The following ABR variants were observed in gnomAD, a reference collection of about 807,000 sequenced individuals.
ABR encodes active breakpoint cluster region-related protein.
ABR carries 35 observed loss-of-function variants against 107.2 expected under a neutral mutation model. The observed-to-expected ratio is 0.33, with a 90% CI of 0.25 to 0.43. The LOEUF is 0.43. Among genes scored for constraint, ABR ranks in the 20% least tolerant of loss-of-function variants. The pLI, the probability that ABR is intolerant of heterozygous loss-of-function variation, is 1.00. For synonymous variants in ABR, 498 were observed against 462.0 expected (o/e 1.08, Z -1.00); for missense variants, 815 against 1,115.2 (o/e 0.73, Z 3.83).
chr17:1,215,904 G>C (rs1229561000), intron 1 of ABR, among the ~76,000 whole-genome samples: 4 of 82,074 alleles, frequency 4.9e-5, no homozygotes, highest in Non-Finnish European at 7.6e-5. Context: ...TGAAACATGT[G>C]CTGTGTCCAC....
rs776751827 is a variant in ABR, at chr17:1,040,944, C to T, written c.1791+9106G>A. 2.0e-5 allele frequency among the ~76,000 whole-genome samples: 3 copies of T among 152,190 alleles called. No homozygotes were observed. In the East Asian group the frequency reaches 5.8e-4, roughly 29 times the overall value. On this transcript the variant is annotated intron_variant, in intron 16 of 22. Transcript: ENST00000302538. ...TTTTCCTTTTTTTGAGACAGAGTCT[C>T]GCTCTGTAGCCCAGGCTGGAGTGTA... is the stretch of plus-strand genomic sequence containing the variant.
At chr17:1,108,812 A>T in intron 2 of ABR, 1 of 400,636 alleles carries the variant, frequency 2.5e-6, no homozygotes, top group Non-Finnish European at 3.5e-6. Context: ...CGGGGCCGGG[A>T]CCCTCCGCCG....
chr17:1,116,655 T>C (rs2258236), intron 2 of ABR, among the ~76,000 whole-genome samples: 119,189 of 152,058 alleles, frequency 0.78, 46,877 homozygotes, highest in East Asian at 0.88. Context: ...AAGGCACTAG[T>C]CTACCTACTT....
rs1196874976 is a variant in ABR at position 1,037,062 on chromosome 17, TCCATCCACCCACCCAC to T, written c.1791+12972_1791+12987del. Among the ~76,000 whole-genome samples the T allele has an allele frequency of 1.5e-5, 2 of 131,644 alleles. No homozygotes were observed. Among genetic ancestry groups the T allele is most frequent in the African/African-American group, 3.1e-5 (1 of 32,512 alleles). The allele number at this position is 131,644 out of a possible 152,430, so 86.4% of individuals were successfully genotyped here. A position where few individuals can be genotyped will look rare whatever the true frequency, so the allele number is the denominator to read the frequency against. On this transcript the variant is annotated intron_variant, in intron 16 of 22. Coordinates refer to ENST00000302538, the MANE Select transcript of ABR (RefSeq NM_021962.5). The surrounding 1 kb of genome is among the most constrained non-coding windows in gnomAD (Gnocchi z 4.6). Reference sequence around the variant, plus strand: ...ACCCATCCATCCATCCATCCACCCATCCATCCACCCACCCACCCATCCTTCCATCCATCCATCCATC... The same window carrying T: ...ACCCATCCATCCATCCATCCACCCATCCATCCTTCCATCCATCCATCCATC...
upstream of ABR, among the ~76,000 whole-genome samples, chr17:1,190,960 C>G (rs189178225): frequency 6.6e-6 from 1 of 152,346 alleles, no homozygotes; most frequent in East Asian, 1.9e-4. Flanking sequence ...TCCCAAGGGG[C>G]TGGCCTGAGC....
At chr17:1,031,889 T>G in intron 16 of ABR, 1 of 995,588 alleles carries the variant, frequency 1.0e-6, no homozygotes, top group Non-Finnish European at 1.2e-6. Flanking sequence ...CCTCCCTCCC[T>G]CCCTCCGTCC....
At chr17:1,155,269 G>A (rs1403418452) in intron 1 of ABR, among the ~76,000 whole-genome samples, 1 of 152,110 alleles carries the variant, frequency 6.6e-6, no homozygotes, top group African/African-American at 2.4e-5. Context: ...ATCTATGGTC[G>A]ACGGATTGTC....
intron 10 of ABR, among the ~76,000 whole-genome samples, chr17:1,062,069 A>AG (rs1194073909): frequency 6.6e-6 from 1 of 152,178 alleles, no homozygotes; most frequent in Non-Finnish European, 1.5e-5. Context: ...GAAGCTTCCC[A>AG]GGGGTGGTGA....
At chr17:1,034,975 C>T (rs975281398) in intron 16 of ABR, among the ~76,000 whole-genome samples, 2 of 151,998 alleles carry the variant, frequency 1.3e-5, no homozygotes, top group Non-Finnish European at 2.9e-5. Flanking sequence ...ACTGGATGAA[C>T]GATGGCCAGC....
intron 3 of ABR, among the ~76,000 whole-genome samples, chr17:1,093,196 C>T (rs1002196407): frequency 2.0e-5 from 3 of 149,062 alleles, no homozygotes; most frequent in Middle Eastern, 3.2e-3. Context: ...TGGCTGGTCA[C>T]GGTGGCTCAC....
intron 10 of ABR, among the ~76,000 whole-genome samples, chr17:1,064,079 G>A (rs1207838551): frequency 2.6e-4 from 35 of 134,646 alleles, no homozygotes; most frequent in Middle Eastern, 4.4e-3. Flanking sequence ...GTTGTTACGT[G>A]AACTGAGGGC....
In ABR at chr17:1,219,035, CTGTT is replaced by C. The variant is rs562534709; in HGVS notation, c.838+9754_838+9757del. ...GCTTAATTCTAGTATCCTTTTCTAT[CTGTT>C]TGTTTGTTTGTTTGTTTGTTTGTAA... is the stretch of plus-strand genomic sequence containing the variant. On this transcript the variant is annotated intron_variant, in intron 1 of 22. Coordinates refer to the ABR transcript ENST00000574139. Among the ~76,000 whole-genome samples, 466 of 145,282 alleles carry C rather than the reference CTGTT, an allele frequency of 3.2e-3. 1 individual carries two copies. Among genetic ancestry groups the C allele is most frequent in the African/African-American group, 9.4e-3 (369 of 39,250 alleles).
intron 16 of ABR, among the ~76,000 whole-genome samples, chr17:1,029,808 G>A (rs536822810): frequency 3.7e-4 from 34 of 92,708 alleles, no homozygotes; most frequent in Non-Finnish European, 3.9e-4. Flanking sequence ...CCACCACAGC[G>A]CTGACCCGTG....
intron 22 of ABR, 87 bp from the exon 23 acceptor site, chr17:1,006,256 C>T: frequency 8.2e-7 from 1 of 1,220,368 alleles, no homozygotes; most frequent in Non-Finnish European, 1.2e-6. Flanking sequence ...CCTCCCACTC[C>T]CTAGACTGGC....
chr17:1,108,814 C>CCTCGCGGG, intron 2 of ABR: 7 of 1,227,440 alleles, frequency 5.7e-6, no homozygotes, highest in Non-Finnish European at 7.5e-6. Context: ...GGGCCGGGAC[C>CCTCGCGGG]CTCCGCCGAG....
chr17:1,123,999 C>T (rs2039473208), intron 2 of ABR, among the ~76,000 whole-genome samples: 1 of 152,212 alleles, frequency 6.6e-6, no homozygotes, highest in South Asian at 2.1e-4. Context: ...CAGCCCTTCC[C>T]ACAGGTGCAC....
At chr17:1,097,224 C>T (rs372193045) in intron 3 of ABR, among the ~76,000 whole-genome samples, 2 of 152,168 alleles carry the variant, frequency 1.3e-5, no homozygotes, top group Admixed American at 6.5e-5. Flanking sequence ...GCAGAAACCA[C>T]GAAGCCCTAA....
intron 1 of ABR, among the ~76,000 whole-genome samples, chr17:1,178,954 A>G (rs1393502197): frequency 6.6e-6 from 1 of 151,394 alleles, no homozygotes; most frequent in Non-Finnish European, 1.5e-5. Flanking sequence ...GAGCAATCAC[A>G]TGATCCAGAG....
At chr17:1,109,143 A>T in intron 2 of ABR, 39 of 603,148 alleles carry the variant, frequency 6.5e-5, no homozygotes, top group East Asian at 5.2e-4. Flanking sequence ...AGGAGGGAGG[A>T]GGCGGGCGGG....
Sources: allele counts gnomAD v4.1 joint callset (sites outside exome capture counted in the v4.1 genomes callset), GRCh38; gene constraint gnomAD v4.1.1; non-coding constraint Gnocchi (gnomAD v3.1); transcripts MANE v1.5; gene names NCBI Gene and HGNC (gene_info 2026-07-23, HGNC 2026-07-21).